Variants in CUX1 observed in about 807,000 individuals in gnomAD.
The protein encoded by CUX1 is cut like homeobox 1, also known as protein CASP.
In CUX1, 31 loss-of-function variants were observed where a neutral mutation model predicts 158.8. The observed-to-expected ratio is 0.20, with a 90% CI of 0.15 to 0.26. The LOEUF (loss-of-function observed/expected upper bound fraction) is 0.26. CUX1 is among the 10% of genes least tolerant of loss of function. The probability of loss-of-function intolerance (pLI) is 1.00; values close to 1 mark genes in which losing one functional copy is unlikely to be tolerated. For synonymous variants in CUX1, 879 were observed against 862.1 expected (o/e 1.02, Z -0.34); for missense variants, 1,589 against 2,014.6 (o/e 0.79, Z 4.04).
At chr7:102,192,743 A>C (rs1241047375) in intron 12 of CUX1, among the ~76,000 whole-genome samples, 8 of 152,138 alleles carry the variant, frequency 5.3e-5, no homozygotes, top group Non-Finnish European at 7.4e-5. Context: ...TGCACCTGCG[A>C]GTCGTAAATC....
chr7:101,928,169 T>A (rs551099717), intron 2 of CUX1, among the ~76,000 whole-genome samples: 2 of 152,178 alleles, frequency 1.3e-5, no homozygotes, highest in Non-Finnish European at 2.9e-5. Context: ...CTGCGTTCTA[T>A]CACGTCTAAG....
At chr7:102,171,030 G>C (rs1554510293) in intron 10 of CUX1, among the ~76,000 whole-genome samples, 1 of 152,214 alleles carries the variant, frequency 6.6e-6, no homozygotes, top group African/African-American at 2.4e-5. Flanking sequence ...AGTTTATAGA[G>C]CAGGAAGAGT....
At chr7:101,995,178 C>T (rs1263484054) in intron 2 of CUX1, among the ~76,000 whole-genome samples, 1 of 152,106 alleles carries the variant, frequency 6.6e-6, no homozygotes, top group Non-Finnish European at 1.5e-5. Flanking sequence ...CTGACGGGCT[C>T]TTGGGCACAC....
intron 14 of CUX1, among the ~76,000 whole-genome samples, chr7:102,268,167 G>A (rs781996489): frequency 2.0e-4 from 31 of 152,106 alleles, no homozygotes; most frequent in Admixed American, 1.2e-3. Flanking sequence ...TCCACCCGTC[G>A]CCTGTCATCC....
chr7:102,253,439 T>C lies in CUX1; in HGVS notation c.*4397T>C. ...AACAGGAGTCCCCAGGTGAGCTCTCTGACGGGCAGGTGCCTTCCCGACTAA... is the reference window on the plus strand; with the variant it reads ...AACAGGAGTCCCCAGGTGAGCTCTCCGACGGGCAGGTGCCTTCCCGACTAA... On this transcript the variant is annotated 3_prime_UTR_variant, in exon 24 of 24. Transcript: ENST00000292535. The C allele has an allele frequency of 1.0e-6, 1 of 985,510 alleles. No individual in the cohort carries two copies. Among genetic ancestry groups the C allele is most frequent in the Non-Finnish European group, 1.2e-6 (1 of 829,962 alleles). 61.0% of individuals were successfully genotyped at this position (985,510 alleles called of 1,614,324 possible).
downstream of CUX1, among the ~76,000 whole-genome samples, chr7:102,259,753 AAAAAGAAAG>A (rs1422645738): frequency 7.3e-5 from 2 of 27,550 alleles, no homozygotes; most frequent in Non-Finnish European, 2.4e-4. Context: ...AAAAAAAAAA[AAAAAGAAAG>A]AAAAGAGAAA....
At chr7:102,080,275 G>A (rs910917641) in intron 4 of CUX1, among the ~76,000 whole-genome samples, 3 of 152,138 alleles carry the variant, frequency 2.0e-5, no homozygotes, top group Non-Finnish European at 2.9e-5. Context: ...TTTGTGCCCC[G>A]CTTTGCCATG....
At position 102,201,992 on chromosome 7, in the gene CUX1, G is replaced by A. The variant is rs782217455; in HGVS notation, c.2695G>A (p.Gly899Arg). Residue 899 changes from glycine to arginine, a missense_variant, in exon 18 of 24, where the codon GGG (glycine) becomes AGG (arginine). Physicochemically the swap from Gly to Arg is moderately radical, Grantham distance 125. Coordinates refer to ENST00000292535, the MANE Select transcript of CUX1 (RefSeq NM_181552.4). The surrounding 1 kb of genome is among the most constrained non-coding windows in gnomAD (Gnocchi z 5.0). Reference protein sequence around the residue: ...YSQSSELSLTGASRSETPQNS... With the variant: ...YSQSSELSLTRASRSETPQNS... ...CCAGAGCTCAGAGCTGAGTCTGACCGGGGCCAGCCGCAGCGAGACACCACA... is the reference window on the plus strand; with the variant it reads ...CCAGAGCTCAGAGCTGAGTCTGACCAGGGCCAGCCGCAGCGAGACACCACA... 25 of 1,614,020 alleles carry A rather than the reference G, an allele frequency of 1.5e-5. No individual in the cohort carries two copies. Among genetic ancestry groups the A allele is most frequent in the East Asian group, 2.2e-5 (1 of 44,864 alleles).
chr7:101,836,540 G>C (rs1794650791), intron 1 of CUX1, among the ~76,000 whole-genome samples: 1 of 151,930 alleles, frequency 6.6e-6, no homozygotes, highest in South Asian at 2.1e-4. Context: ...GAAGCCTGAG[G>C]GTTGTCTAAA....
rs529471651 is a variant in CUX1, at chr7:101,863,671, A to G, written c.30+46002A>G. 2.8e-4 allele frequency among the ~76,000 whole-genome samples: 42 copies of G among 152,176 alleles called. No individual in the cohort carries two copies. In the East Asian group the frequency reaches 4.7e-3, roughly 17 times the overall value. ...CAGCCAGGGCTCTTTTTATATTGCA[A>G]AACTGAAACTCTGCACCCATTAAAC... is the stretch of plus-strand genomic sequence containing the variant. On this transcript the variant is annotated intron_variant, in intron 1 of 23. Coordinates refer to ENST00000292535, the MANE Select transcript of CUX1 (RefSeq NM_181552.4).
intron 1 of CUX1, among the ~76,000 whole-genome samples, chr7:101,882,665 A>C (rs1343984186): frequency 6.6e-6 from 1 of 152,194 alleles, no homozygotes; most frequent in African/African-American, 2.4e-5. Flanking sequence ...TGCTCTGCAC[A>C]TAGTAGTAGG....
Position 102,283,013 on chromosome 7 carries a change from TC to T in CUX1, c.1968-3del, listed in dbSNP as rs782670150. ...CTCGGCCTCAGCAAAGCTTCCCGTG[TC>T]CCCCAGGTTCGCTGACCACCTGCAC... On this transcript the variant is annotated splice_region_variant and splice_polypyrimidine_tract_variant and intron_variant, in intron 22 of 22. Coordinates refer to the CUX1 transcript ENST00000292538. 15 of 1,607,138 alleles carry T rather than the reference TC, an allele frequency of 9.3e-6. No individual in the cohort carries two copies. The South Asian group carries it at 1.5e-4, about 17-fold the overall frequency.
intron 22 of CUX1, among the ~76,000 whole-genome samples, chr7:102,236,809 G>A (rs998190405): frequency 2.6e-4 from 40 of 152,128 alleles, no homozygotes; most frequent in Non-Finnish European, 2.1e-4. Flanking sequence ...CTTAGTCCCC[G>A]CAAATACATC....
At chr7:102,140,380 G>A (rs1443796870) in intron 8 of CUX1, among the ~76,000 whole-genome samples, 1 of 152,082 alleles carries the variant, frequency 6.6e-6, no homozygotes, top group African/African-American at 2.4e-5. Context: ...CAAGTAGCTG[G>A]AACTACAGGT....
At chr7:102,209,014 A>G (rs1293774052) in intron 20 of CUX1, among the ~76,000 whole-genome samples, 4 of 152,196 alleles carry the variant, frequency 2.6e-5, no homozygotes, top group Non-Finnish European at 4.4e-5. Context: ...TCGGGCTTAC[A>G]GCGGAGTCCG....
intron 10 of CUX1, among the ~76,000 whole-genome samples, chr7:102,173,479 G>A (rs781963381): frequency 3.9e-5 from 6 of 152,186 alleles, no homozygotes; most frequent in Non-Finnish European, 7.3e-5. Flanking sequence ...TTAACTGAAT[G>A]TCCCCTTGGC....
chr7:102,023,735 G>C (rs1563144015), intron 2 of CUX1, among the ~76,000 whole-genome samples: 1 of 152,222 alleles, frequency 6.6e-6, no homozygotes, highest in East Asian at 1.9e-4. Flanking sequence ...GATGAAATTA[G>C]AATGAGTGAT....
Position 102,155,514 on chromosome 7 carries a change from C to G in CUX1, c.675-3046C>G, listed in dbSNP as rs370624087. ...TGAGCCAAGATCACACCACTGCACT[C>G]TAGCCTGGGTGAGAGTGAGACCCTG... is the stretch of plus-strand genomic sequence containing the variant. On this transcript the variant is annotated intron_variant, in intron 8 of 23. Coordinates refer to ENST00000292535, the MANE Select transcript of CUX1 (RefSeq NM_181552.4). Among the ~76,000 whole-genome samples the G allele has an allele frequency of 3.0e-4, 45 of 151,948 alleles. 1 individual carries two copies. The East Asian group carries it at 3.1e-3, about 10-fold the overall frequency.
chr7:102,199,739 T>A (rs1029701226), intron 16 of CUX1, among the ~76,000 whole-genome samples: 1 of 152,254 alleles, frequency 6.6e-6, no homozygotes, highest in African/African-American at 2.4e-5. Flanking sequence ...AGCAGTTGCT[T>A]CTAAGTGACT....
Sources: allele counts gnomAD v4.1 joint callset (sites outside exome capture counted in the v4.1 genomes callset), GRCh38; gene constraint gnomAD v4.1.1; non-coding constraint Gnocchi (gnomAD v3.1); transcripts MANE v1.5; gene names NCBI Gene and HGNC (gene_info 2026-07-23, HGNC 2026-07-21).